Variants in UGT1A1 observed in about 807,000 individuals in gnomAD.
UGT1A1 encodes the protein UDP glucuronosyltransferase family 1 member A1.
UGT1A1 carries 33 observed loss-of-function variants against 40.6 expected under a neutral mutation model. The observed-to-expected ratio is 0.81, with a 90% CI of 0.62 to 1.09. The LOEUF is 1.09. Ranked by LOEUF, UGT1A1 falls within the 50% of genes least tolerant of loss-of-function variation. The probability of loss-of-function intolerance (pLI) is 0.00; values close to 1 mark genes in which losing one functional copy is unlikely to be tolerated. For missense variants in UGT1A1, 694 were observed against 671.2 expected (o/e 1.03, Z -0.38); for synonymous variants, 249 against 265.0 (o/e 0.94, Z 0.59).
Position 233,769,847 on chromosome 2 carries a change from G to C in UGT1A1, c.1304+1408G>C. On this transcript the variant is annotated intron_variant, in intron 4 of 4. Transcript: ENST00000305208. The surrounding 1 kb of genome is among the most constrained non-coding windows in gnomAD (Gnocchi z 4.4). Reference sequence around the variant, plus strand: ...TCCAGCAACCTGGGCAACAGAGTGAGACCCTGTCTCAAAAAAAAAAAAAAA... The same window carrying C: ...TCCAGCAACCTGGGCAACAGAGTGACACCCTGTCTCAAAAAAAAAAAAAAA... 1 of 475,506 alleles carries C rather than the reference G, an allele frequency of 2.1e-6. No homozygotes were observed. The highest frequency in any genetic ancestry group is 3.3e-6 in the Non-Finnish European group (1 of 298,626). The allele number at this position is 475,506 out of a possible 1,614,324, so 29.5% of individuals were successfully genotyped here.
chr2:233,767,044 C>T lies in UGT1A1; in HGVS notation c.875C>T (p.Ala292Val), dbSNP rs758873309. The T allele has an allele frequency of 6.2e-7, 1 of 1,613,992 alleles. No individual in the cohort carries two copies. The highest frequency in any genetic ancestry group is 1.1e-5 in the South Asian group (1 of 91,046). ...TTCTTCTGGCTCTAGGAATTTGAAG[C>T]CTACATTAATGCTTCTGGAGAACAT... ...HQNPLSQEFE[A>V]YINASGEHGI... is the part of the protein sequence containing the mutation. The change falls in exon 2 of 5, where the codon GCC becomes GTC. Residue 292 changes from alanine to valine, a missense_variant. Ala to Val is a moderately conservative substitution (Grantham distance 64). Coordinates refer to ENST00000305208, the MANE Select transcript of UGT1A1 (RefSeq NM_000463.3).
At chr2:233,767,818 C>T (rs766005162) in intron 2 of UGT1A1, 31 bp from the exon 3 acceptor site, 60 of 1,614,028 alleles carry the variant, frequency 3.7e-5, no homozygotes, top group Non-Finnish European at 4.5e-5. Context: ...TATGTTCTTT[C>T]TTTACGTTCT....
rs879204025 is a variant in UGT1A1, at chr2:233,769,857, C to CAA, written c.1304+1434_1304+1435dup. On this transcript the variant is annotated intron_variant, in intron 4 of 4. Transcript: ENST00000305208. This position sits in a 1 kb window ranked among gnomAD's most constrained non-coding sequence, Gnocchi z 4.4. The stretch of plus-strand genomic sequence containing the variant: ...TGGGCAACAGAGTGAGACCCTGTCT[C>CAA]AAAAAAAAAAAAAAAAATGAAAAGT... The CAA allele has an allele frequency of 9.9e-3, 2,209 of 224,054 alleles. 3 individuals are homozygous for CAA. The highest frequency in any genetic ancestry group is 0.012 in the South Asian group (106 of 9,094). The allele number at this position is 224,054 out of a possible 1,614,324, so 13.9% of individuals were successfully genotyped here.
chr2:233,766,390 C>T (rs11679312), intron 1 of UGT1A1, among the ~76,000 whole-genome samples: 2,966 of 152,260 alleles, frequency 0.019, 34 homozygotes, highest in Non-Finnish European at 0.031. Context: ...GTCCAGCTGT[C>T]CTTGCGTCCC....
rs758454924 is a variant in UGT1A1 at position 233,772,344 on chromosome 2, G to A, written c.1387G>A (p.Glu463Lys). The change falls in exon 5 of 5, where the codon GAG becomes AAG. Residue 463 changes from glutamate (E) to lysine (K), a missense_variant. Physicochemically the swap from Glu to Lys is moderately conservative, Grantham distance 56 (BLOSUM62 1). Transcript: ENST00000305208. ...EPLDLAVFWV[E>K]FVMRHKGAPH... ...GCTGGACCTGGCCGTGTTCTGGGTG[G>A]AGTTTGTGATGAGGCACAAGGGCGC... is the stretch of plus-strand genomic sequence containing the variant. 6.2e-7 allele frequency: 1 copy of A among 1,614,240 alleles called. No homozygotes were observed. The highest frequency in any genetic ancestry group is 2.2e-5 in the East Asian group (1 of 44,884).
chr2:233,772,941 C>G lies in UGT1A1; in HGVS notation c.*382C>G. The G allele has an allele frequency of 3.0e-6, 1 of 336,190 alleles. No homozygotes were observed. The highest frequency in any genetic ancestry group is 5.5e-6 in the Non-Finnish European group (1 of 182,010). The allele number at this position is 336,190 out of a possible 1,614,324, so 20.8% of individuals were successfully genotyped here. A position where few individuals can be genotyped will look rare whatever the true frequency, so the allele number is the denominator to read the frequency against. ...TGGCAGTTTTAATCTTATCTTTTGG[C>G]TTCTGCAGATGGTTGCAATTGATCC... is the stretch of plus-strand genomic sequence containing the variant. On this transcript the variant is annotated 3_prime_UTR_variant, in exon 5 of 5. Coordinates refer to ENST00000305208, the MANE Select transcript of UGT1A1 (RefSeq NM_000463.3).
chr2:233,763,240 C>T (rs1698267751), intron 1 of UGT1A1, among the ~76,000 whole-genome samples: 1 of 152,140 alleles, frequency 6.6e-6, no homozygotes, highest in African/African-American at 2.4e-5. Flanking sequence ...TAAATTGTAC[C>T]TTTTAGTAAC....
chr2:233,767,204 A>G, intron 2 of UGT1A1, 39 bp downstream of exon 2: 1 of 1,613,356 alleles, frequency 6.2e-7, no homozygotes, highest in Non-Finnish European at 8.5e-7. Flanking sequence ...ATCTATTTTC[A>G]CAGGAGCGCT....
chr2:233,761,212 G>A (rs1200424446), intron 1 of UGT1A1, 61 bp downstream of exon 1: 5 of 1,613,556 alleles, frequency 3.1e-6, no homozygotes, highest in Non-Finnish European at 2.5e-6. Flanking sequence ...ACTTTGGATC[G>A]ATTAACTAGC....
rs1700239746 is a variant in UGT1A1, at chr2:233,771,113, A to C, written c.1305-1149A>C. The C allele has an allele frequency of 2.0e-5, 3 of 152,176 alleles. No homozygotes were observed. The South Asian group carries it at 6.2e-4, about 32-fold the overall frequency. The allele number at this position is 152,176 out of a possible 1,614,324, so 9.4% of individuals were successfully genotyped here. A position where few individuals can be genotyped will look rare whatever the true frequency, so the allele number is the denominator to read the frequency against. ...TATCAGGAAGACAGCACTAAAGCAC[A>C]AGGGATCCGACCCCATGATCCAAAC... is the stretch of plus-strand genomic sequence containing the variant. On this transcript the variant is annotated intron_variant, in intron 4 of 4. Transcript: ENST00000305208.
chr2:233,768,399 G>A lies in UGT1A1; in HGVS notation c.1264G>A (p.Asp422Asn). ...TLNVLEMTSE[D>N]LENALKAVIN... ...GAATGTTCTGGAAATGACTTCTGAA[G>A]ATTTAGAAAATGCTCTAAAAGCAGT... Residue 422 changes from aspartate to asparagine, a missense_variant, in exon 4 of 5, where the codon GAT (aspartate) becomes AAT (asparagine). Physicochemically the swap from Asp to Asn is conservative, Grantham distance 23 (BLOSUM62 1). Coordinates refer to ENST00000305208, the MANE Select transcript of UGT1A1 (RefSeq NM_000463.3). 2 of 1,614,194 alleles carry A rather than the reference G, an allele frequency of 1.2e-6. No individual in the cohort carries two copies. Among genetic ancestry groups the A allele is most frequent in the African/African-American group, 2.7e-5 (2 of 75,034 alleles).
intron 2 of UGT1A1, 126 bp from the exon 3 acceptor site, chr2:233,767,723 C>T: frequency 1.3e-6 from 2 of 1,549,102 alleles, no homozygotes; most frequent in Non-Finnish European, 1.7e-6. Context: ...TTCACAGTTA[C>T]TGATCCTCCC....
chr2:233,771,027 G>T (rs186703216), intron 4 of UGT1A1: 5 of 152,078 alleles, frequency 3.3e-5, no homozygotes, highest in Admixed American at 1.3e-4. Flanking sequence ...GAGAGAGTTG[G>T]GGGGGAAGGT....
chr2:233,769,877 A>C lies in UGT1A1; in HGVS notation c.1304+1438A>C, dbSNP rs890697630. 4.7e-6 allele frequency: 2 copies of C among 421,450 alleles called. No homozygotes were observed. The highest frequency in any genetic ancestry group is 2.0e-5 in the African/African-American group (1 of 48,974). 26.1% of individuals were successfully genotyped at this position (421,450 alleles called of 1,614,324 possible). A position where few individuals can be genotyped will look rare whatever the true frequency, so the allele number is the denominator to read the frequency against. ...TGTCTCAAAAAAAAAAAAAAAAATG[A>C]AAAGTCCACATAACCTGAGCATCAT... is the stretch of plus-strand genomic sequence containing the variant. On this transcript the variant is annotated intron_variant, in intron 4 of 4. Transcript: ENST00000305208. This position sits in a 1 kb window ranked among gnomAD's most constrained non-coding sequence, Gnocchi z 4.4.
At chr2:233,764,456 G>A (rs184552145) in intron 1 of UGT1A1, among the ~76,000 whole-genome samples, 34 of 152,210 alleles carry the variant, frequency 2.2e-4, no homozygotes, top group African/African-American at 7.9e-4. Context: ...TTAAACTTTC[G>A]TGATCTCCTG....
In UGT1A1 at chr2:233,769,245, A is replaced by G. The variant is rs1485950559; in HGVS notation, c.1304+806A>G. 6.6e-6 allele frequency among the ~76,000 whole-genome samples: 1 copy of G among 152,268 alleles called. No homozygotes were observed. The highest frequency in any genetic ancestry group is 2.4e-5 in the African/African-American group (1 of 41,474). The stretch of plus-strand genomic sequence containing the variant: ...ATAAGAGCAAAGGAAAATTTGCTCA[A>G]ATGTGGCCCTGAAAACGATTCAAAG... On this transcript the variant is annotated intron_variant, in intron 4 of 4. Transcript: ENST00000305208. The surrounding 1 kb of genome is among the most constrained non-coding windows in gnomAD (Gnocchi z 4.4).
rs766536479 is a variant in UGT1A1 at position 233,760,908 on chromosome 2, G to GCAGC, written c.622_625dup (p.Arg209ProfsTer50). ...CTCATTCAGATCACATGACCTTCCT[G>GCAGC]CAGCGGGTGAAGAACATGCTCATTG... is the stretch of plus-strand genomic sequence containing the variant. On this transcript the variant is annotated frameshift_variant, in exon 1 of 5. Coordinates refer to ENST00000305208, the MANE Select transcript of UGT1A1 (RefSeq NM_000463.3). LOFTEE classifies it high-confidence loss of function. 8 of 1,614,152 alleles carry GCAGC rather than the reference G, an allele frequency of 5.0e-6. No individual in the cohort carries two copies. The South Asian group carries it at 8.8e-5, about 18-fold the overall frequency.
At chr2:233,764,986 G>A (rs1698720585) in intron 1 of UGT1A1, among the ~76,000 whole-genome samples, 1 of 152,106 alleles carries the variant, frequency 6.6e-6, no homozygotes. Flanking sequence ...CAGTGTCTGG[G>A]GCTTTCCTGG....
At position 233,769,030 on chromosome 2, in the gene UGT1A1, A is replaced by G. The variant is rs1369352074; in HGVS notation, c.1304+591A>G. 1.3e-5 allele frequency among the ~76,000 whole-genome samples: 2 copies of G among 152,206 alleles called. No homozygotes were observed. Among genetic ancestry groups the G allele is most frequent in the African/African-American group, 4.8e-5 (2 of 41,454 alleles). On this transcript the variant is annotated intron_variant, in intron 4 of 4. Transcript: ENST00000305208. The surrounding 1 kb of genome is among the most constrained non-coding windows in gnomAD (Gnocchi z 4.4). ...CCAATTTACATAAAAAGTTGCCATAATAGACATCTGATCCATAAGTTTCCT... is the reference window on the plus strand; with the variant it reads ...CCAATTTACATAAAAAGTTGCCATAGTAGACATCTGATCCATAAGTTTCCT...
Sources: allele counts gnomAD v4.1 joint callset (sites outside exome capture counted in the v4.1 genomes callset), GRCh38; gene constraint gnomAD v4.1.1; non-coding constraint Gnocchi (gnomAD v3.1); transcripts MANE v1.5; gene names NCBI Gene and HGNC (gene_info 2026-07-23, HGNC 2026-07-21).